Variants in MUC13 observed in about 807,000 individuals in gnomAD.
MUC13 encodes the protein mucin 13, cell surface associated.
A neutral mutation model predicts 48.3 loss-of-function variants in MUC13; 32 were observed. The observed-to-expected ratio is 0.66, with a 90% confidence interval of 0.50 to 0.89. The LOEUF is 0.89. MUC13 is among the 40% of genes least tolerant of loss of function. The pLI, the probability that MUC13 is intolerant of heterozygous loss-of-function variation, is 0.00. For synonymous variants in MUC13, 199 were observed against 224.9 expected, an observed-to-expected ratio of 0.88 and a Z score of 1.03; for missense variants, 571 against 622.8, an observed-to-expected ratio of 0.92 and a Z score of 0.88.
At chr3:124,926,885 T>C (rs901039432) in intron 2 of MUC13, among the ~76,000 whole-genome samples, 1 of 152,246 alleles carries the variant, frequency 6.6e-6, no homozygotes, top group Non-Finnish European at 1.5e-5. Context: ...ATTTCTGTTA[T>C]AGGCTGAGCT....
Position 124,920,168 on chromosome 3 carries a change from C to T in MUC13, c.800+66G>A. On this transcript the variant is annotated intron_variant, in intron 5 of 11. Transcript: ENST00000616727. ...GAGGGCCTTAATGTTACATGCAGAC[C>T]TCAAGAGAAGCTCGGAAGTTAGACA... 4.3e-6 allele frequency: 6 copies of T among 1,397,212 alleles called. No individual in the cohort carries two copies. The South Asian group carries it at 6.1e-5, about 14-fold the overall frequency. 86.6% of individuals were successfully genotyped at this position (1,397,212 alleles called of 1,614,324 possible). A position where few individuals can be genotyped will look rare whatever the true frequency, so the allele number is the denominator to read the frequency against.
At chr3:124,908,414 T>C (rs1935352324) in intron 10 of MUC13, 66 bp from the exon 11 acceptor site, 2 of 1,227,896 alleles carry the variant, frequency 1.6e-6, no homozygotes, top group African/African-American at 3.1e-5. Context: ...AATGTTAATG[T>C]TCTTTTTAAA....
chr3:124,920,221 A>C lies in MUC13; in HGVS notation c.800+13T>G. 1 of 1,600,958 alleles carries C rather than the reference A, an allele frequency of 6.2e-7. No homozygotes were observed. The highest frequency in any genetic ancestry group is 8.5e-7 in the Non-Finnish European group (1 of 1,171,682). On this transcript the variant is annotated intron_variant, in intron 5 of 11. Coordinates refer to ENST00000616727, the MANE Select transcript of MUC13 (RefSeq NM_033049.4). ...CACACATCTGCCTCCAAAATTGTCCATAACAAACTTACCTTACAGTAAGAA... is the reference window on the plus strand; with the variant it reads ...CACACATCTGCCTCCAAAATTGTCCCTAACAAACTTACCTTACAGTAAGAA...
At chr3:124,929,794 A>G (rs904423645) in intron 1 of MUC13, among the ~76,000 whole-genome samples, 1 of 152,266 alleles carries the variant, frequency 6.6e-6, no homozygotes, top group Non-Finnish European at 1.5e-5. Flanking sequence ...AGGCAAAGCC[A>G]GGTCTGTGAG....
Position 124,906,175 on chromosome 3 carries a change from C to T in MUC13, c.*568G>A, listed in dbSNP as rs373768965. On this transcript the variant is annotated 3_prime_UTR_variant, in exon 12 of 12. Coordinates refer to ENST00000616727, the MANE Select transcript of MUC13 (RefSeq NM_033049.4). ...CTTGGGTGAGGCTAGGTTGCAAGCT[C>T]TGGGCTGTTCAAAGGTTGCCAGAAT... 1.3e-5 allele frequency: 2 copies of T among 152,646 alleles called. No homozygotes were observed. The highest frequency in any genetic ancestry group is 1.9e-4 in the East Asian group (1 of 5,200). 9.5% of individuals were successfully genotyped at this position (152,646 alleles called of 1,614,324 possible).
chr3:124,912,549 C>T (rs900781975), intron 8 of MUC13, among the ~76,000 whole-genome samples: 2 of 152,196 alleles, frequency 1.3e-5, no homozygotes, highest in Admixed American at 6.5e-5. Flanking sequence ...GTTTCAGTTT[C>T]CTCACCTGAA....
rs537981577 is a variant in MUC13 at position 124,933,381 on chromosome 3, G to A, written c.52+1280C>T. Among the ~76,000 whole-genome samples the A allele has an allele frequency of 4.1e-4, 63 of 152,166 alleles. No homozygotes were observed. In the South Asian group the frequency reaches 4.8e-3, roughly 12 times the overall value. The stretch of plus-strand genomic sequence containing the variant: ...TAAAAACTCTTAGAGGTCAACAAGC[G>A]CTGTAAGGACTGATCCACCAAAGAA... On this transcript the variant is annotated intron_variant, in intron 1 of 11. Transcript: ENST00000616727.
chr3:124,919,907 G>T (rs1388705899), intron 5 of MUC13, among the ~76,000 whole-genome samples: 1 of 152,172 alleles, frequency 6.6e-6, no homozygotes. Flanking sequence ...ACATTCCAGA[G>T]ATTGACTAGA....
chr3:124,913,515 A>C, intron 7 of MUC13, 47 bp downstream of exon 7: 1 of 1,611,702 alleles, frequency 6.2e-7, no homozygotes, highest in Non-Finnish European at 8.5e-7. Context: ...GCAAAAGAAG[A>C]GAAAGTGATG....
intron 10 of MUC13, among the ~76,000 whole-genome samples, chr3:124,908,762 C>G (rs755175486): frequency 6.6e-6 from 1 of 152,206 alleles, no homozygotes; most frequent in African/African-American, 2.4e-5. Flanking sequence ...ATATTTTGCT[C>G]ATAATATTAG....
At chr3:124,928,698 T>G (rs1177995817) in intron 1 of MUC13, among the ~76,000 whole-genome samples, 1 of 152,218 alleles carries the variant, frequency 6.6e-6, no homozygotes, top group African/African-American at 2.4e-5. Flanking sequence ...TAATGTTTTT[T>G]AAGTTGAATA....
At position 124,916,438 on chromosome 3, in the gene MUC13, CTT is replaced by C. The variant is rs1208566030; in HGVS notation, c.841_842del (p.Lys281ValfsTer3). On this transcript the variant is annotated frameshift_variant, in exon 6 of 12. Transcript: ENST00000616727. LOFTEE classifies it high-confidence loss of function. Reference protein sequence around the residue: ...SPRSEMRADDKFVNVTIVTIL... With the variant: ...SPRSEMRADDXFVNVTIVTIL... ...TTGTTACTATTGTTACATTAACAAA[CTT>C]GTCATCAGCACGCATTTCAGATCTT... is the stretch of plus-strand genomic sequence containing the variant. 1.2e-6 allele frequency: 2 copies of C among 1,613,530 alleles called. No homozygotes were observed. Among genetic ancestry groups the C allele is most frequent in the Non-Finnish European group, 1.7e-6 (2 of 1,179,850 alleles).
At chr3:124,925,971 A>C (rs1333376619) in intron 2 of MUC13, among the ~76,000 whole-genome samples, 1 of 152,208 alleles carries the variant, frequency 6.6e-6, no homozygotes, top group African/African-American at 2.4e-5. Flanking sequence ...AAAAGGAGGC[A>C]TAGTTCAGTA....
At chr3:124,933,563 G>A (rs1935831681) in intron 1 of MUC13, among the ~76,000 whole-genome samples, 2 of 152,066 alleles carry the variant, frequency 1.3e-5, no homozygotes, top group Non-Finnish European at 2.9e-5. Context: ...GTTCATTTTT[G>A]TTCCCAGATC....
Position 124,913,305 on chromosome 3 carries a change from T to C in MUC13, c.1085-65A>G, listed in dbSNP as rs187623676. ...ATCTCTTTAACCCCAAAGTCACATGTGACAACATGACAGTGTCTTTCACAT... is the reference window on the plus strand; with the variant it reads ...ATCTCTTTAACCCCAAAGTCACATGCGACAACATGACAGTGTCTTTCACAT... On this transcript the variant is annotated intron_variant, in intron 7 of 11. Coordinates refer to ENST00000616727, the MANE Select transcript of MUC13 (RefSeq NM_033049.4). 1.1e-4 allele frequency: 180 copies of C among 1,568,680 alleles called. 1 individual carries two copies. In the African/African-American group the frequency reaches 2.1e-3, roughly 19 times the overall value.
intron 7 of MUC13, 59 bp from the exon 8 acceptor site, chr3:124,913,299 C>A: frequency 6.3e-7 from 1 of 1,577,228 alleles, no homozygotes; most frequent in South Asian, 1.2e-5. Flanking sequence ...ACCCCAAAGT[C>A]ACATGTGACA....
Position 124,927,866 on chromosome 3 carries a change from T to C in MUC13, c.180A>G (p.Thr60=), listed in dbSNP as rs76825834. The C allele has an allele frequency of 5.6e-6, 9 of 1,613,806 alleles. No homozygotes were observed. Among genetic ancestry groups the C allele is most frequent in the Non-Finnish European group, 7.6e-6 (9 of 1,179,946 alleles). ...GTGAAGTAGCTGTTGGGAAAGAAGG[T>C]GTATTTGCTGTGGTGCTAGCAGTTT... ...FPETASTTAN[T]PSFPTATSPA... is the part of the protein sequence containing the mutation. The change falls in exon 2 of 12, where the codon ACA becomes ACG. Residue 60 remains threonine (T), a synonymous_variant. Coordinates refer to ENST00000616727, the MANE Select transcript of MUC13 (RefSeq NM_033049.4).
chr3:124,912,080 T>C, intron 9 of MUC13, 24 bp downstream of exon 9: 3 of 1,610,126 alleles, frequency 1.9e-6, no homozygotes, highest in Non-Finnish European at 2.5e-6. Context: ...AACTTGTTTA[T>C]AATAGCAAGA....
rs761362087 is a variant in MUC13 at position 124,920,264 on chromosome 3, A to T, written c.770T>A (p.Val257Asp). 1.6e-5 allele frequency: 26 copies of T among 1,606,856 alleles called. No individual in the cohort carries two copies. The highest frequency in any genetic ancestry group is 2.0e-5 in the Non-Finnish European group (24 of 1,175,890). The part of the protein sequence containing the change: ...SLFKDVFGTS[V>D]YGQTVILTVS... ...AGTAAGAATTACAGTCTGTCCATAAACAGATGTGCCAAATACATCTTTAAA... is the reference window on the plus strand; with the variant it reads ...AGTAAGAATTACAGTCTGTCCATAATCAGATGTGCCAAATACATCTTTAAA... Residue 257 changes from valine to aspartate, a missense_variant, in exon 5 of 12, where the codon GTT becomes GAT. Val to Asp is a radical substitution (Grantham distance 152). Transcript: ENST00000616727.
Sources: gnomAD v4.1 joint callset for allele counts (sites outside exome capture counted in the v4.1 genomes callset) on GRCh38, gnomAD v4.1.1 for gene constraint, MANE v1.5 for transcripts, NCBI Gene and HGNC (gene_info 2026-07-23, HGNC 2026-07-21) for gene names.